VPS13B: variants seen among roughly 807,000 people sequenced by gnomAD.
The protein encoded by VPS13B is vacuolar protein sorting 13 homolog B.
VPS13B carries 285 observed loss-of-function variants against 426.4 expected under a neutral mutation model. The observed-to-expected ratio is 0.67, with a 90% confidence interval of 0.61 to 0.74. The LOEUF (loss-of-function observed/expected upper bound fraction) is 0.74. Among genes scored for constraint, VPS13B ranks in the 30% least tolerant of loss-of-function variants. The pLI, the probability that VPS13B is intolerant of heterozygous loss-of-function variation, is 0.00. For missense variants in VPS13B, 4,537 were observed against 4,782.6 expected, an observed-to-expected ratio of 0.95 and a Z score of 1.51; for synonymous variants, 1,676 against 1,676.4, an observed-to-expected ratio of 1.00 and a Z score of 0.01.
intron 19 of VPS13B, among the ~76,000 whole-genome samples, chr8:99,369,477 C>T (rs1267909937): frequency 2.0e-5 from 3 of 152,074 alleles, no homozygotes; most frequent in Admixed American, 6.5e-5. Flanking sequence ...GCAGTGGGCA[C>T]GAGTCTGGGT....
chr8:99,335,199 T>C (rs1022115635), intron 19 of VPS13B, among the ~76,000 whole-genome samples: 5 of 152,192 alleles, frequency 3.3e-5, no homozygotes, highest in Non-Finnish European at 7.3e-5. Context: ...GGATCGGTGG[T>C]GATATCTCCT....
intron 17 of VPS13B, among the ~76,000 whole-genome samples, chr8:99,214,517 T>C (rs1186317834): frequency 6.6e-6 from 1 of 152,188 alleles, no homozygotes; most frequent in Non-Finnish European, 1.5e-5. Context: ...ATTTAAACTT[T>C]ATTGCTAATT....
At chr8:99,531,735 A>G (rs1822946639) in intron 30 of VPS13B, among the ~76,000 whole-genome samples, 1 of 152,022 alleles carries the variant, frequency 6.6e-6, no homozygotes, top group Non-Finnish European at 1.5e-5. Flanking sequence ...TTTTCTTCCC[A>G]CTAATCTTGT....
At chr8:99,837,055 G>A (rs1432757878) in intron 54 of VPS13B, among the ~76,000 whole-genome samples, 3 of 152,070 alleles carry the variant, frequency 2.0e-5, no homozygotes, top group Non-Finnish European at 1.5e-5. Flanking sequence ...CAGTCCTCCT[G>A]GTGCATTTTT....
chr8:99,365,348 ATATATCAT>A (rs1331288143), intron 19 of VPS13B, among the ~76,000 whole-genome samples: 1 of 151,382 alleles, frequency 6.6e-6, no homozygotes, highest in East Asian at 1.9e-4. Context: ...GTTATTTAAG[ATATATCAT>A]TAGGTTGTTT....
chr8:99,023,582 G>A (rs1285756486), intron 2 of VPS13B, among the ~76,000 whole-genome samples: 1 of 151,812 alleles, frequency 6.6e-6, no homozygotes, highest in Non-Finnish European at 1.5e-5. Context: ...CTGGGTTCAA[G>A]CGATTCTTCT....
chr8:99,406,154 G>T (rs988314354), intron 21 of VPS13B, among the ~76,000 whole-genome samples: 1 of 151,202 alleles, frequency 6.6e-6, no homozygotes. Flanking sequence ...AAATAGGTCT[G>T]TACCACTCAC....
At chr8:99,146,143 G>C (rs1810715668) in intron 13 of VPS13B, among the ~76,000 whole-genome samples, 1 of 152,122 alleles carries the variant, frequency 6.6e-6, no homozygotes, top group African/African-American at 2.4e-5. Context: ...CTTTTGCTCA[G>C]ATTAATTGGG....
At chr8:99,389,699 A>C (rs1163639024) in intron 20 of VPS13B, 1 of 152,204 alleles carries the variant, frequency 6.6e-6, no homozygotes, top group African/African-American at 2.4e-5. Flanking sequence ...CAGAAGTGGC[A>C]GAGGTGGAAG....
Position 99,507,281 on chromosome 8 carries a change from A to G in VPS13B, c.4224+78A>G, listed in dbSNP as rs1821553033. ...TCTTGTTATTTCATAAAATAGGACT[A>G]ATGGTTACAAGAATTTGAGTTCAGA... On this transcript the variant is annotated intron_variant, in intron 28 of 61. Coordinates refer to ENST00000357162, the MANE Select transcript of VPS13B (RefSeq NM_152564.5). 2.1e-6 allele frequency: 3 copies of G among 1,428,962 alleles called. No individual in the cohort carries two copies. In the East Asian group the frequency reaches 6.9e-5, roughly 33 times the overall value. The allele number at this position is 1,428,962 out of a possible 1,614,324, so 88.5% of individuals were successfully genotyped here.
At chr8:99,793,254 C>CATAGATATAT in intron 43 of VPS13B, among the ~76,000 whole-genome samples, 1 of 107,028 alleles carries the variant, frequency 9.3e-6, no homozygotes, top group South Asian at 3.3e-4. Flanking sequence ...TTGCCCTCTC[C>CATAGATATAT]ATATATATAT....
chr8:99,614,210 G>A (rs989260905), intron 33 of VPS13B: 1 of 151,988 alleles, frequency 6.6e-6, no homozygotes, highest in Admixed American at 6.5e-5. Flanking sequence ...GATTTCACTA[G>A]AGAAAAATAA....
intron 3 of VPS13B, among the ~76,000 whole-genome samples, chr8:99,050,278 T>C (rs907534848): frequency 2.6e-5 from 4 of 151,896 alleles, no homozygotes; most frequent in African/African-American, 9.7e-5. Context: ...AGTGAGAACA[T>C]GCAGTGTTTG....
chr8:99,375,203 A>AT (rs1282369598), intron 19 of VPS13B, among the ~76,000 whole-genome samples: 1 of 152,214 alleles, frequency 6.6e-6, no homozygotes, highest in East Asian at 1.9e-4. Flanking sequence ...GTCTTTTGAC[A>AT]TTTTTTTAAA....
chr8:99,465,168 A>T (rs1022631754), intron 23 of VPS13B, among the ~76,000 whole-genome samples: 2 of 152,128 alleles, frequency 1.3e-5, no homozygotes, highest in Admixed American at 1.3e-4. Context: ...AACATATTTT[A>T]TGGAGTGCCC....
chr8:99,370,605 C>CTT lies in VPS13B; in HGVS notation c.2825-13582_2825-13581dup, dbSNP rs1047111709. ...ATGTCTACATATATTGAGTGAAGGG[C>CTT]TTTTTTTTTTTTTTTTTTTTTTGAG... is the stretch of plus-strand genomic sequence containing the variant. On this transcript the variant is annotated intron_variant, in intron 19 of 61. Transcript: ENST00000357162. 8.2e-3 allele frequency among the ~76,000 whole-genome samples: 812 copies of CTT among 99,428 alleles called. 1 individual carries two copies. Among genetic ancestry groups the CTT allele is most frequent in the Non-Finnish European group, 0.011 (582 of 51,552 alleles). The allele number at this position is 99,428 out of a possible 152,430, so 65.2% of individuals were successfully genotyped here.
At chr8:99,350,430 G>A (rs1811818247) in intron 19 of VPS13B, among the ~76,000 whole-genome samples, 1 of 152,196 alleles carries the variant, frequency 6.6e-6, no homozygotes, top group Non-Finnish European at 1.5e-5. Flanking sequence ...GTATGCATGA[G>A]AGTGAGTGTT....
chr8:99,352,739 G>T (rs1195321158), intron 19 of VPS13B, among the ~76,000 whole-genome samples: 3 of 151,492 alleles, frequency 2.0e-5, no homozygotes, highest in Admixed American at 6.6e-5. Flanking sequence ...CCATAGAATC[G>T]CTTGAACCCG....
Position 99,511,137 on chromosome 8 carries a change from C to G in VPS13B, c.4258C>G (p.Gln1420Glu). 1 of 1,613,620 alleles carries G rather than the reference C, an allele frequency of 6.2e-7. No individual in the cohort carries two copies. The highest frequency in any genetic ancestry group is 8.5e-7 in the Non-Finnish European group (1 of 1,179,984). Reference protein sequence around the residue: ...TTKLLDGTHQQHGFLSLTYTK... With the variant: ...TTKLLDGTHQEHGFLSLTYTK... ...AAAACTTCTAGATGGCACTCATCAG[C>G]AGCATGGATTCCTCTCTCTGACATA... Residue 1420 changes from glutamine (Q) to glutamate (E), a missense_variant, in exon 29 of 62, where the codon CAG (glutamine) becomes GAG (glutamate). Physicochemically the swap from Gln to Glu is conservative, Grantham distance 29 (BLOSUM62 2). Around this residue, in one of 2 missense-constraint regions of VPS13B, gnomAD observed 4,311 missense variants for 4,474.3 expected, o/e 0.96. Coordinates refer to ENST00000357162, the MANE Select transcript of VPS13B (RefSeq NM_152564.5).
Sources: allele counts gnomAD v4.1 joint callset (sites outside exome capture counted in the v4.1 genomes callset), GRCh38; gene constraint gnomAD v4.1.1; regional missense constraint gnomAD v4.1.1; transcripts MANE v1.5; gene names NCBI Gene and HGNC (gene_info 2026-07-23, HGNC 2026-07-21).